CCDC7: variants seen among roughly 807,000 people sequenced by gnomAD.
CCDC7 encodes the protein coiled-coil domain-containing protein 7.
A neutral mutation model predicts 196.9 loss-of-function variants in CCDC7; 183 were observed. That is an observed-to-expected ratio of 0.93 (90% CI 0.82 to 1.05). CCDC7 has a LOEUF of 1.05. Ranked by LOEUF, CCDC7 falls within the 50% of genes least tolerant of loss-of-function variation. The pLI, the probability that CCDC7 is intolerant of heterozygous loss-of-function variation, is 0.00. For missense variants in CCDC7, 1,540 were observed against 1,482.2 expected (o/e 1.04, Z -0.64); for synonymous variants, 525 against 484.6 (o/e 1.08, Z -1.10).
chr10:32,813,761 A>G (rs1010212903), intron 30 of CCDC7, among the ~76,000 whole-genome samples: 3 of 152,206 alleles, frequency 2.0e-5, no homozygotes, highest in Non-Finnish European at 4.4e-5. Context: ...TTACTGGTTA[A>G]GAAATTGTGC....
chr10:32,632,617 A>G (rs1229339384), intron 18 of CCDC7, among the ~76,000 whole-genome samples: 2 of 151,998 alleles, frequency 1.3e-5, no homozygotes, highest in Non-Finnish European at 2.9e-5. Flanking sequence ...GCTGCATCCC[A>G]TAGTTTTCAT....
At chr10:32,686,133 AAGG>A in intron 22 of CCDC7, 53 bp downstream of exon 23, 2 of 926,550 alleles carry the variant, frequency 2.2e-6, no homozygotes, top group Non-Finnish European at 3.2e-6. Context: ...AGTCACAGCA[AAGG>A]TATTTTTCTT....
intron 11 of CCDC7, among the ~76,000 whole-genome samples, chr10:32,535,968 A>G (rs1410857589): frequency 1.3e-5 from 2 of 152,194 alleles, no homozygotes; most frequent in Non-Finnish European, 2.9e-5. Context: ...AGGGTTAAAT[A>G]AAATGCATCT....
chr10:32,768,354 A>C (rs1005810274), intron 28 of CCDC7, among the ~76,000 whole-genome samples: 1 of 152,090 alleles, frequency 6.6e-6, no homozygotes, highest in Non-Finnish European at 1.5e-5. Flanking sequence ...AAATGCCACT[A>C]ATTTTTGTAC....
intron 8 of CCDC7, among the ~76,000 whole-genome samples, chr10:32,488,585 G>T (rs2041641489): frequency 6.6e-6 from 1 of 152,138 alleles, no homozygotes; most frequent in Non-Finnish European, 1.5e-5. Context: ...CTCACGCTGG[G>T]AGCTGTAGAC....
chr10:32,755,190 G>A (rs1479692922), intron 28 of CCDC7, among the ~76,000 whole-genome samples: 3 of 152,202 alleles, frequency 2.0e-5, no homozygotes, highest in Non-Finnish European at 4.4e-5. Context: ...ACCTCTGGGG[G>A]CAGGGTAGAG....
Position 32,463,151 on chromosome 10 carries a change from T to C in CCDC7, c.510+102T>C, listed in dbSNP as rs1054919412. ...TAAGTATGTATAAGTCATTTTTGAA[T>C]AACTGTTGGTTATAAAGTAACCTTT... On this transcript the variant is annotated intron_variant, in intron 5 of 41. Transcript: ENST00000639629. The C allele has an allele frequency of 2.1e-6, 3 of 1,421,684 alleles. No homozygotes were observed. In the Admixed American group the frequency reaches 6.2e-5, roughly 29 times the overall value. The allele number at this position is 1,421,684 out of a possible 1,614,324, so 88.1% of individuals were successfully genotyped here.
intron 28 of CCDC7, among the ~76,000 whole-genome samples, chr10:32,746,850 C>T (rs534951175): frequency 3.3e-5 from 5 of 152,344 alleles, no homozygotes; most frequent in African/African-American, 9.6e-5. Context: ...ACATGGATGC[C>T]ATCAGGCCAC....
chr10:32,531,850 G>A (rs771199278), intron 11 of CCDC7, among the ~76,000 whole-genome samples: 26 of 152,192 alleles, frequency 1.7e-4, no homozygotes, highest in South Asian at 4.1e-4. Context: ...GTTGTTCATA[G>A]TAGTCTCTAG....
intron 33 of CCDC7, among the ~76,000 whole-genome samples, chr10:32,843,098 A>T (rs757693282): frequency 3.8e-4 from 58 of 150,760 alleles, no homozygotes; most frequent in Non-Finnish European, 5.4e-4. Flanking sequence ...ATAAAAAAAT[A>T]AATTTTTTTA....
intron 28 of CCDC7, among the ~76,000 whole-genome samples, chr10:32,731,126 G>C (rs2083895325): frequency 6.6e-6 from 1 of 151,778 alleles, no homozygotes; most frequent in Admixed American, 6.6e-5. Context: ...GTTATTAGAT[G>C]TATACAAATA....
chr10:32,557,548 G>A (rs937735139), intron 13 of CCDC7, among the ~76,000 whole-genome samples: 18 of 151,894 alleles, frequency 1.2e-4, no homozygotes, highest in African/African-American at 4.1e-4. Context: ...TTTGTTGTTT[G>A]TATTTAGATT....
chr10:32,543,756 G>A (rs992113272), intron 12 of CCDC7, among the ~76,000 whole-genome samples: 14 of 151,870 alleles, frequency 9.2e-5, no homozygotes, highest in Non-Finnish European at 1.2e-4. Flanking sequence ...CTTATTAATT[G>A]TATTATTCTT....
At chr10:32,830,221 T>C (rs1246685932) in intron 32 of CCDC7, among the ~76,000 whole-genome samples, 1 of 143,186 alleles carries the variant, frequency 7.0e-6, no homozygotes, top group Non-Finnish European at 1.5e-5. Context: ...CATTAGAAGC[T>C]TCATGTTGCA....
At chr10:32,509,916 A>G (rs141082524) in intron 9 of CCDC7, among the ~76,000 whole-genome samples, 3 of 152,198 alleles carry the variant, frequency 2.0e-5, no homozygotes, top group African/African-American at 7.2e-5. Flanking sequence ...AGAAAAGGGA[A>G]CCCTTCAACA....
At position 32,639,715 on chromosome 10, in the gene CCDC7, C is replaced by T. The variant is rs2066360344; in HGVS notation, c.2014+4557C>T. 2.0e-5 allele frequency among the ~76,000 whole-genome samples: 3 copies of T among 150,948 alleles called. No individual in the cohort carries two copies. The Admixed American group carries it at 2.0e-4, about 10-fold the overall frequency. On this transcript the variant is annotated intron_variant, in intron 20 of 41. Coordinates refer to ENST00000639629, the Ensembl canonical transcript of CCDC7. Reference sequence around the variant, plus strand: ...CGATCTCGGCTCACTTCAAGTTCTGCCTCCTGGCTTCACGCCATTCTCCTG... The same window carrying T: ...CGATCTCGGCTCACTTCAAGTTCTGTCTCCTGGCTTCACGCCATTCTCCTG...
At chr10:32,704,683 T>A (rs1244362246) in intron 24 of CCDC7, among the ~76,000 whole-genome samples, 1 of 152,140 alleles carries the variant, frequency 6.6e-6, no homozygotes, top group Admixed American at 6.5e-5. Flanking sequence ...AGCCGCTTTT[T>A]TTAGCTACTC....
In CCDC7 at chr10:32,587,381, G is replaced by A. The variant is rs192411719; in HGVS notation, c.1801+3077G>A. The stretch of plus-strand genomic sequence containing the variant: ...ATCATCCCATGGCAGAAGGTGGAAG[G>A]GTGAGAGAGCATGAGAGAGCAACAG... On this transcript the variant is annotated intron_variant, in intron 18 of 41. Transcript: ENST00000639629. Among the ~76,000 whole-genome samples, 48 of 152,290 alleles carry A rather than the reference G, an allele frequency of 3.2e-4. No individual in the cohort carries two copies. The East Asian group carries it at 6.8e-3, about 21-fold the overall frequency.
intron 28 of CCDC7, among the ~76,000 whole-genome samples, chr10:32,754,786 A>G (rs1392619555): frequency 2.0e-5 from 3 of 152,154 alleles, no homozygotes; most frequent in Admixed American, 6.5e-5. Context: ...CAGTGGGTAC[A>G]GCCCACAGAG....
Sources: gnomAD v4.1 joint callset for allele counts (sites outside exome capture counted in the v4.1 genomes callset) on GRCh38, gnomAD v4.1.1 for gene constraint, MANE v1.5 for transcripts, NCBI Gene and HGNC (gene_info 2026-07-23, HGNC 2026-07-21) for gene names.